Variants in KIF6 observed in about 807,000 individuals in gnomAD.
The protein encoded by KIF6 is kinesin-like protein KIF6.
A neutral mutation model predicts 112.7 loss-of-function variants in KIF6; 106 were observed. That is an observed-to-expected ratio of 0.94 (90% CI 0.80 to 1.11). The LOEUF is 1.11. Among genes scored for constraint, KIF6 ranks in the 50% least tolerant of loss-of-function variants. The pLI, the probability that KIF6 is intolerant of heterozygous loss-of-function variation, is 0.00. For synonymous variants in KIF6, 339 were observed against 339.9 expected, an observed-to-expected ratio of 1.00 and a Z score of 0.03; for missense variants, 929 against 964.0, an observed-to-expected ratio of 0.96 and a Z score of 0.48.
intron 13 of KIF6, among the ~76,000 whole-genome samples, chr6:39,517,827 CA>C (rs1777166934): frequency 6.6e-6 from 1 of 152,140 alleles, no homozygotes; most frequent in Non-Finnish European, 1.5e-5. Flanking sequence ...GAGAGAACAA[CA>C]GACTGCCAAA....
intron 13 of KIF6, among the ~76,000 whole-genome samples, chr6:39,519,352 G>A (rs1777253582): frequency 6.6e-6 from 1 of 152,156 alleles, no homozygotes; most frequent in African/African-American, 2.4e-5. Flanking sequence ...ATCATGTCAT[G>A]GTTTTAGCCA....
At chr6:39,530,397 A>G (rs1344524232) in intron 13 of KIF6, among the ~76,000 whole-genome samples, 5 of 152,260 alleles carry the variant, frequency 3.3e-5, no homozygotes, top group African/African-American at 4.8e-5. Flanking sequence ...TAAAACAGAA[A>G]GAAATTTTTA....
At chr6:39,481,625 C>A (rs964667906) in intron 13 of KIF6, among the ~76,000 whole-genome samples, 5 of 152,144 alleles carry the variant, frequency 3.3e-5, no homozygotes, top group African/African-American at 1.2e-4. Flanking sequence ...GTCTCTGCAC[C>A]AAATTCAAAC....
chr6:39,525,945 C>G (rs1300924894), intron 13 of KIF6, among the ~76,000 whole-genome samples: 1 of 152,152 alleles, frequency 6.6e-6, no homozygotes, highest in East Asian at 1.9e-4. Flanking sequence ...CGGGATTCTA[C>G]TTGTTTTCTC....
chr6:39,483,110 T>A (rs1233861449), intron 13 of KIF6, among the ~76,000 whole-genome samples: 1 of 152,252 alleles, frequency 6.6e-6, no homozygotes, highest in Non-Finnish European at 1.5e-5. Flanking sequence ...CCCTTCTCTC[T>A]GCCAAAGAAG....
chr6:39,516,644 A>AT (rs1489207577), intron 13 of KIF6, among the ~76,000 whole-genome samples: 2 of 152,052 alleles, frequency 1.3e-5, no homozygotes, highest in Non-Finnish European at 2.9e-5. Context: ...TAAAGTTTTA[A>AT]TTTTTTTAAA....
At chr6:39,416,902 A>G (rs929324488) in intron 15 of KIF6, among the ~76,000 whole-genome samples, 2 of 152,118 alleles carry the variant, frequency 1.3e-5, no homozygotes, top group Admixed American at 1.3e-4. Flanking sequence ...ACCCCTCGGC[A>G]TCTCAATCTT....
At chr6:39,719,699 G>A (rs1221516924) in intron 2 of KIF6, among the ~76,000 whole-genome samples, 1 of 152,160 alleles carries the variant, frequency 6.6e-6, no homozygotes, top group African/African-American at 2.4e-5. Context: ...CCATGCAAGG[G>A]TAGCTGTTTG....
At chr6:39,422,097 C>T (rs888969435) in intron 14 of KIF6, among the ~76,000 whole-genome samples, 9 of 152,196 alleles carry the variant, frequency 5.9e-5, no homozygotes, top group African/African-American at 1.9e-4. Context: ...TTAGACTCTT[C>T]GGAATAAGGA....
intron 12 of KIF6, 104 bp from the exon 13 acceptor site, chr6:39,540,325 G>A: frequency 1.3e-6 from 1 of 771,826 alleles, no homozygotes; most frequent in Non-Finnish European, 2.1e-6. Context: ...TATTTATCAT[G>A]TGGTAAAGAC....
intron 13 of KIF6, among the ~76,000 whole-genome samples, chr6:39,486,595 T>C (rs1775128485): frequency 6.6e-6 from 1 of 152,262 alleles, no homozygotes; most frequent in African/African-American, 2.4e-5. Flanking sequence ...ATTGGAACAG[T>C]GTTCATCAAA....
chr6:39,513,738 GGCATTGCAACAT>G (rs1776911899), intron 13 of KIF6, among the ~76,000 whole-genome samples: 2 of 152,064 alleles, frequency 1.3e-5, no homozygotes, highest in African/African-American at 2.4e-5. Flanking sequence ...CTTCTCCCCT[GGCATTGCAACAT>G]GCCAGGTCTA....
intron 13 of KIF6, among the ~76,000 whole-genome samples, chr6:39,455,806 G>A (rs1773051307): frequency 1.3e-5 from 2 of 150,736 alleles, no homozygotes; most frequent in Admixed American, 6.6e-5. Flanking sequence ...GAAGCGAGAA[G>A]GGAAGTTTAG....
At chr6:39,449,280 AC>A (rs1226939136) in intron 13 of KIF6, among the ~76,000 whole-genome samples, 1 of 151,754 alleles carries the variant, frequency 6.6e-6, no homozygotes, top group Non-Finnish European at 1.5e-5. Context: ...ACCTGAATAT[AC>A]CCCAACCTCC....
intron 16 of KIF6, among the ~76,000 whole-genome samples, chr6:39,385,079 G>A (rs1236088606): frequency 6.6e-6 from 1 of 152,208 alleles, no homozygotes; most frequent in Non-Finnish European, 1.5e-5. Context: ...CACCAAGCTT[G>A]GAACAGAACT....
intron 3 of KIF6, among the ~76,000 whole-genome samples, chr6:39,686,685 G>C (rs963607304): frequency 3.9e-5 from 6 of 152,192 alleles, no homozygotes; most frequent in African/African-American, 1.4e-4. Flanking sequence ...AAATGACTGT[G>C]AACAAATCTG....
chr6:39,549,227 CA>C (rs374509138), intron 10 of KIF6, among the ~76,000 whole-genome samples: 11,042 of 139,118 alleles, frequency 0.079, 460 homozygotes, highest in Middle Eastern at 0.16. Flanking sequence ...ATTCCTTGTA[CA>C]AAAAAAAAAA....
intron 13 of KIF6, among the ~76,000 whole-genome samples, chr6:39,477,143 A>C (rs931082110): frequency 6.6e-6 from 1 of 152,180 alleles, no homozygotes; most frequent in Non-Finnish European, 1.5e-5. Flanking sequence ...ATATGAGAAA[A>C]GCAAATTAGA....
At chr6:39,346,382 A>C in intron 20 of KIF6, 94 bp downstream of exon 20, 1 of 713,454 alleles carries the variant, frequency 1.4e-6, no homozygotes, top group Middle Eastern at 2.4e-4. Context: ...TAGAGTCCTT[A>C]TAAAAGAGAC....
Sources: gnomAD v4.1 joint callset for allele counts (sites outside exome capture counted in the v4.1 genomes callset) on GRCh38, gnomAD v4.1.1 for gene constraint, MANE v1.5 for transcripts, NCBI Gene and HGNC (gene_info 2026-07-23, HGNC 2026-07-21) for gene names.